Variants in ATP9B observed in about 807,000 individuals in gnomAD.
The protein encoded by ATP9B is ATPase phospholipid transporting 9B, also known as probable phospholipid-transporting ATPase IIB.
In ATP9B, 110 loss-of-function variants were observed where a neutral mutation model predicts 146.1. The ratio of observed to expected loss-of-function variants is 0.75; its 90% CI spans 0.65 to 0.88. ATP9B has a LOEUF of 0.88. Ranked by LOEUF, ATP9B falls within the 40% of genes least tolerant of loss-of-function variation. The probability of loss-of-function intolerance (pLI) is 0.00; values close to 1 mark genes in which losing one functional copy is unlikely to be tolerated. For missense variants in ATP9B, 1,499 were observed against 1,496.4 expected, an observed-to-expected ratio of 1.00 and a Z score of -0.03; for synonymous variants, 604 against 569.7, an observed-to-expected ratio of 1.06 and a Z score of -0.86.
intron 15 of ATP9B, among the ~76,000 whole-genome samples, chr18:79,311,847 C>T (rs529217278): frequency 1.8e-4 from 27 of 152,320 alleles, no homozygotes; most frequent in South Asian, 6.2e-4. Flanking sequence ...AGCCCTGCAT[C>T]GCAGCCAGTA....
At chr18:79,255,307 A>G (rs1302403812) in intron 12 of ATP9B, 1 of 152,204 alleles carries the variant, frequency 6.6e-6, no homozygotes, top group Non-Finnish European at 1.5e-5. Flanking sequence ...TCATGCCAGA[A>G]TTTACTTCTT....
chr18:79,325,731 C>T (rs906570292), intron 15 of ATP9B, among the ~76,000 whole-genome samples: 4 of 152,120 alleles, frequency 2.6e-5, no homozygotes, highest in African/African-American at 7.2e-5. Context: ...CACGCAGCAC[C>T]GGTGACACCA....
At chr18:79,336,793 A>C in intron 18 of ATP9B, 82 bp downstream of exon 18, 1 of 1,418,992 alleles carries the variant, frequency 7.0e-7, no homozygotes, top group Non-Finnish European at 9.8e-7. Flanking sequence ...CTTTGTATGA[A>C]ATTAGAGCTG....
At chr18:79,093,362 A>G (rs75862785) in intron 1 of ATP9B, among the ~76,000 whole-genome samples, 2 of 152,128 alleles carry the variant, frequency 1.3e-5, no homozygotes, top group African/African-American at 2.4e-5. Flanking sequence ...TCAAACATCA[A>G]GTTCCACTGT....
chr18:79,086,403 T>G (rs1230759928), intron 1 of ATP9B: 1 of 112,666 alleles, frequency 8.9e-6, no homozygotes, highest in Non-Finnish European at 1.6e-5. Context: ...ACCACTGCAC[T>G]CCAGCCTGGG....
rs145337759 is a variant in ATP9B at position 79,092,640 on chromosome 18, C to CTTTT, written c.120-3820_120-3817dup. ...TTAAAAAAATTTATTTTTACTTAAA[C>CTTTT]TTTTTTTTTTTTTTTTTTTGGTTAA... On this transcript the variant is annotated intron_variant, in intron 1 of 29. Coordinates refer to ENST00000426216, the MANE Select transcript of ATP9B (RefSeq NM_198531.5). Among the ~76,000 whole-genome samples, 126 of 118,236 alleles carry CTTTT rather than the reference C, an allele frequency of 1.1e-3. 1 individual carries two copies. The highest frequency in any genetic ancestry group is 1.6e-3 in the Non-Finnish European group (88 of 56,614). The allele number at this position is 118,236 out of a possible 152,430, so 77.6% of individuals were successfully genotyped here.
At chr18:79,122,553 A>G (rs1447026309) in intron 4 of ATP9B, among the ~76,000 whole-genome samples, 1 of 152,184 alleles carries the variant, frequency 6.6e-6, no homozygotes, top group African/African-American at 2.4e-5. Flanking sequence ...TTACTTGTGG[A>G]CATTCAGGTT....
intron 11 of ATP9B, among the ~76,000 whole-genome samples, chr18:79,229,229 T>C (rs2095765506): frequency 6.6e-6 from 1 of 152,120 alleles, no homozygotes; most frequent in South Asian, 2.1e-4. Flanking sequence ...CCCTGGGCAC[T>C]CTCCCACCCC....
intron 9 of ATP9B, among the ~76,000 whole-genome samples, chr18:79,198,848 A>G (rs2095440267): frequency 6.6e-6 from 1 of 152,230 alleles, no homozygotes; most frequent in South Asian, 2.1e-4. Context: ...AGGCCTGGAC[A>G]TGACTGCACA....
chr18:79,299,127 A>C (rs1599754350), intron 13 of ATP9B, among the ~76,000 whole-genome samples: 2 of 145,664 alleles, frequency 1.4e-5, no homozygotes, highest in African/African-American at 2.6e-5. Context: ...CCCACATTTG[A>C]CCCCCACCAC....
At chr18:79,217,793 A>G (rs2095641650) in intron 11 of ATP9B, among the ~76,000 whole-genome samples, 1 of 152,170 alleles carries the variant, frequency 6.6e-6, no homozygotes. Flanking sequence ...TGCTTAGTAA[A>G]CCAACAAACT....
intron 15 of ATP9B, among the ~76,000 whole-genome samples, chr18:79,327,981 T>TGTGGTTAG (rs2096768206): frequency 7.3e-4 from 7 of 9,598 alleles, no homozygotes; most frequent in East Asian, 3.2e-3. Context: ...GCGTGCTCTC[T>TGTGGTTAG]CTGGTTAGCG....
chr18:79,225,358 T>A (rs560892523), intron 11 of ATP9B, among the ~76,000 whole-genome samples: 8 of 152,382 alleles, frequency 5.2e-5, no homozygotes, highest in African/African-American at 1.9e-4. Flanking sequence ...TGTCAGCTGA[T>A]AATTACCTGT....
intron 23 of ATP9B, among the ~76,000 whole-genome samples, chr18:79,347,295 G>A (rs2096895035): frequency 1.3e-5 from 2 of 152,216 alleles, no homozygotes; most frequent in South Asian, 4.1e-4. Context: ...ACTTCATTTT[G>A]TAATGCCTTA....
At position 79,271,281 on chromosome 18, in the gene ATP9B, A is replaced by C. The variant is rs200692019; in HGVS notation, c.1269-5773A>C. On this transcript the variant is annotated intron_variant, in intron 12 of 29. Transcript: ENST00000426216. ...ACTTTAAGTTTTAGGGTACATGTGCACAACGTGCAGGTTTGTTACATATGT... is the reference window on the plus strand; with the variant it reads ...ACTTTAAGTTTTAGGGTACATGTGCCCAACGTGCAGGTTTGTTACATATGT... 3.9e-5 allele frequency among the ~76,000 whole-genome samples: 6 copies of C among 152,128 alleles called. No individual in the cohort carries two copies. The East Asian group carries it at 1.2e-3, about 29-fold the overall frequency.
chr18:79,268,817 G>C (rs1308117451), intron 12 of ATP9B, among the ~76,000 whole-genome samples: 1 of 152,136 alleles, frequency 6.6e-6, no homozygotes, highest in Non-Finnish European at 1.5e-5. Flanking sequence ...TTGTGCTTTT[G>C]ATGCTGGTCT....
intron 15 of ATP9B, among the ~76,000 whole-genome samples, chr18:79,325,040 C>T (rs1383154540): frequency 6.6e-6 from 1 of 152,192 alleles, no homozygotes; most frequent in Non-Finnish European, 1.5e-5. Flanking sequence ...AAGACAGACC[C>T]GGTCCCTGCT....
intron 2 of ATP9B, 67 bp downstream of exon 2, chr18:79,096,716 T>C: frequency 8.1e-7 from 1 of 1,227,808 alleles, no homozygotes; most frequent in Non-Finnish European, 1.1e-6. Context: ...GCTTCTAATA[T>C]ACTTATTAGC....
chr18:79,346,066 G>A (rs1347151573), intron 23 of ATP9B, among the ~76,000 whole-genome samples: 4 of 149,868 alleles, frequency 2.7e-5, no homozygotes, highest in East Asian at 4.0e-4. Context: ...GTCGGCGCAC[G>A]TCAGCACATG....
Sources: gnomAD v4.1 joint callset for allele counts (sites outside exome capture counted in the v4.1 genomes callset) on GRCh38, gnomAD v4.1.1 for gene constraint, MANE v1.5 for transcripts, NCBI Gene and HGNC (gene_info 2026-07-23, HGNC 2026-07-21) for gene names.